The following KIF20B variants were observed in gnomAD, a reference collection of about 807,000 sequenced individuals.
KIF20B encodes kinesin-like protein KIF20B.
KIF20B carries 188 observed loss-of-function variants against 232.5 expected under a neutral mutation model. The observed-to-expected ratio is 0.81, with a 90% CI of 0.72 to 0.91. The LOEUF (loss-of-function observed/expected upper bound fraction) is 0.91. KIF20B is among the 40% of genes least tolerant of loss of function. The probability of loss-of-function intolerance (pLI) is 0.00; values close to 1 mark genes in which losing one functional copy is unlikely to be tolerated. For synonymous variants in KIF20B, 712 were observed against 683.0 expected (o/e 1.04, Z -0.66); for missense variants, 2,154 against 2,055.9 (o/e 1.05, Z -0.92).
chr10:89,709,547 C>CTA, intron 4 of KIF20B, 86 bp downstream of exon 4: 2 of 844,392 alleles, frequency 2.4e-6, no homozygotes, highest in Non-Finnish European at 3.9e-6. Context: ...ATATAATGAA[C>CTA]TATACATTTT....
At chr10:89,702,795 A>G (rs1180358453) in intron 1 of KIF20B, among the ~76,000 whole-genome samples, 1 of 149,950 alleles carries the variant, frequency 6.7e-6, no homozygotes, top group Non-Finnish European at 1.5e-5. Context: ...CTTTATAACC[A>G]TTATTTTAAG....
At position 89,728,693 on chromosome 10, in the gene KIF20B, G is replaced by A. The variant is rs1299499777; in HGVS notation, c.2272-435G>A. ...GATTTTTGTATTTTTCAGTGGAGAC[G>A]GGCTTTCACGATGTTGGCCAGGCTG... On this transcript the variant is annotated intron_variant, in intron 17 of 32. Transcript: ENST00000371728. Among the ~76,000 whole-genome samples the A allele has an allele frequency of 2.6e-5, 4 of 151,954 alleles. No homozygotes were observed. The East Asian group carries it at 5.8e-4, about 22-fold the overall frequency.
chr10:89,716,452 A>G lies in KIF20B; in HGVS notation c.957A>G (p.Gln319=). Residue 319 remains glutamine, a synonymous_variant, in exon 9 of 33, where the codon CAA becomes CAG. Coordinates refer to ENST00000371728, the MANE Select transcript of KIF20B (RefSeq NM_001284259.2). ...TTTTTAAAGATCTACAATGGATTCAAGTATCTGATTCCAAAGAAGCCTATA... is the reference window on the plus strand; with the variant it reads ...TTTTTAAAGATCTACAATGGATTCAGGTATCTGATTCCAAAGAAGCCTATA... ...YSFIKDLQWI[Q]VSDSKEAYRL... is the part of the protein sequence containing the mutation. 6.7e-7 allele frequency: 1 copy of G among 1,492,400 alleles called. No homozygotes were observed. Among genetic ancestry groups the G allele is most frequent in the Non-Finnish European group, 9.2e-7 (1 of 1,085,994 alleles). 92.4% of individuals were successfully genotyped at this position (1,492,400 alleles called of 1,614,324 possible). A position where few individuals can be genotyped will look rare whatever the true frequency, so the allele number is the denominator to read the frequency against.
In KIF20B at chr10:89,728,514, T is replaced by C. The variant is rs143661309; in HGVS notation, c.2272-614T>C. 1.3e-4 allele frequency among the ~76,000 whole-genome samples: 19 copies of C among 150,910 alleles called. No individual in the cohort carries two copies. The East Asian group carries it at 3.7e-3, about 30-fold the overall frequency. On this transcript the variant is annotated intron_variant, in intron 17 of 32. Transcript: ENST00000371728. ...GGGTGACATAGTTTTTTTAGTTTTA[T>C]TTATTTATTGTTTTTGAAATGGAGT... is the stretch of plus-strand genomic sequence containing the variant.
chr10:89,752,739 A>G lies in KIF20B; in HGVS notation c.4347+48A>G, dbSNP rs547243364. 6.1e-6 allele frequency: 8 copies of G among 1,312,212 alleles called. No individual in the cohort carries two copies. In the African/African-American group the frequency reaches 7.6e-5, roughly 13 times the overall value. The allele number at this position is 1,312,212 out of a possible 1,614,324, so 81.3% of individuals were successfully genotyped here. ...ATGTATGAATGTATCTGTCTTCATTATATTTCTAATAAGAGGAGAATTCAG... is the reference window on the plus strand; with the variant it reads ...ATGTATGAATGTATCTGTCTTCATTGTATTTCTAATAAGAGGAGAATTCAG... On this transcript the variant is annotated intron_variant, in intron 25 of 32. Coordinates refer to ENST00000371728, the MANE Select transcript of KIF20B (RefSeq NM_001284259.2).
In KIF20B at chr10:89,758,871, A is replaced by C; in HGVS notation, c.4669A>C (p.Thr1557Pro). 6.4e-7 allele frequency: 1 copy of C among 1,562,228 alleles called. No individual in the cohort carries two copies. The highest frequency in any genetic ancestry group is 1.4e-5 in the African/African-American group (1 of 72,666). The change falls in exon 27 of 33, where the codon ACT (threonine) becomes CCT (proline). Residue 1557 changes from threonine to proline, a missense_variant. By Grantham distance (38) the Thr-to-Pro change is conservative (BLOSUM62 -1). Coordinates refer to ENST00000371728, the MANE Select transcript of KIF20B (RefSeq NM_001284259.2). Reference sequence around the variant, plus strand: ...ACAACTAAAAAGGATCATATCAGAGACTTCTAAAATAGTCAGTAGTCTTTT... The same window carrying C: ...ACAACTAAAAAGGATCATATCAGAGCCTTCTAAAATAGTCAGTAGTCTTTT... ...IEQLKRIISE[T>P]SKIETQIMDI...
intron 21 of KIF20B, 102 bp from the exon 22 acceptor site, chr10:89,743,706 A>G: frequency 1.4e-6 from 1 of 704,486 alleles, no homozygotes. Context: ...TTAGGCTGTA[A>G]AGGATGTGAA....
At chr10:89,761,522 A>C (rs1221538860) in intron 28 of KIF20B, among the ~76,000 whole-genome samples, 1 of 151,474 alleles carries the variant, frequency 6.6e-6, no homozygotes, top group Non-Finnish European at 1.5e-5. Flanking sequence ...TTTCTCTGGC[A>C]GCTGAACTTG....
intron 6 of KIF20B, among the ~76,000 whole-genome samples, chr10:89,712,097 C>T (rs976870138): frequency 6.7e-6 from 1 of 149,992 alleles, no homozygotes; most frequent in African/African-American, 2.5e-5. Flanking sequence ...GTTCTTTGTC[C>T]ATTTATCTAG....
At chr10:89,744,068 AG>A (rs779942341) in intron 22 of KIF20B, 141 bp downstream of exon 22, 65 of 630,186 alleles carry the variant, frequency 1.0e-4, no homozygotes, top group Admixed American at 1.6e-4. Context: ...AAAATTAAAT[AG>A]GCAAAAAAGA....
intron 7 of KIF20B, among the ~76,000 whole-genome samples, chr10:89,714,329 A>AG (rs1842893617): frequency 1.3e-5 from 2 of 152,092 alleles, no homozygotes; most frequent in East Asian, 3.9e-4. Context: ...AAATAAAAAA[A>AG]TTACCTGGGC....
At chr10:89,743,613 C>T (rs187493067) in intron 21 of KIF20B, among the ~76,000 whole-genome samples, 195 bp from the exon 22 acceptor site, 2 of 152,202 alleles carry the variant, frequency 1.3e-5, no homozygotes, top group East Asian at 3.9e-4. Context: ...ATGCATTCTT[C>T]ATTAGAGTAT....
intron 1 of KIF20B, 23 bp from the exon 2 acceptor site, chr10:89,705,271 A>G (rs779403574): frequency 1.2e-6 from 2 of 1,611,282 alleles, no homozygotes; most frequent in Non-Finnish European, 1.7e-6. Flanking sequence ...AGGTTGTTAA[A>G]GAAGTTGCTG....
At chr10:89,742,660 A>T (rs942519039) in intron 21 of KIF20B, among the ~76,000 whole-genome samples, 1 of 151,218 alleles carries the variant, frequency 6.6e-6, no homozygotes, top group East Asian at 1.9e-4. Context: ...CTCTGAAACC[A>T]TACCACTCTG....
chr10:89,747,188 A>G (rs1423471194), intron 23 of KIF20B, among the ~76,000 whole-genome samples: 4 of 152,242 alleles, frequency 2.6e-5, no homozygotes, highest in East Asian at 1.9e-4. Flanking sequence ...ACAATGAGAT[A>G]TCATCTCACA....
chr10:89,717,553 G>C, intron 10 of KIF20B, 23 bp from the exon 11 acceptor site: 1 of 1,596,118 alleles, frequency 6.3e-7, no homozygotes. Context: ...AACTTTTAAA[G>C]TACTTTTTTT....
chr10:89,720,724 G>A (rs1843038273), intron 13 of KIF20B, among the ~76,000 whole-genome samples: 1 of 151,020 alleles, frequency 6.6e-6, no homozygotes, highest in Non-Finnish European at 1.5e-5. Context: ...ATTTATTTTT[G>A]AGAGAGGGTC....
chr10:89,723,968 T>C lies in KIF20B; in HGVS notation c.1727T>C (p.Leu576Pro). 1 of 1,539,946 alleles carries C rather than the reference T, an allele frequency of 6.5e-7. No individual in the cohort carries two copies. Among genetic ancestry groups the C allele is most frequent in the Non-Finnish European group, 8.8e-7 (1 of 1,141,178 alleles). ...AFISHEEKRK[L>P]LDLIEDLKKK... ...TTTATCATTTACATGTAATAGAAAC[T>C]GTTGGACTTAATAGAAGACTTGAAA... Residue 576 changes from leucine to proline, a missense_variant, in exon 14 of 33, where the codon CTG becomes CCG. Coordinates refer to ENST00000371728, the MANE Select transcript of KIF20B (RefSeq NM_001284259.2).
chr10:89,717,941 C>T (rs909525901), intron 11 of KIF20B, among the ~76,000 whole-genome samples: 4 of 152,148 alleles, frequency 2.6e-5, no homozygotes, highest in African/African-American at 9.7e-5. Context: ...CAGTATTTTC[C>T]ATGGCAAATC....
Sources: gnomAD v4.1 joint callset for allele counts (sites outside exome capture counted in the v4.1 genomes callset) on GRCh38, gnomAD v4.1.1 for gene constraint, MANE v1.5 for transcripts, NCBI Gene and HGNC (gene_info 2026-07-23, HGNC 2026-07-21) for gene names.